Variants in ATP1A2 observed in about 807,000 individuals in gnomAD.
ATP1A2 encodes ATPase Na+/K+ transporting subunit alpha 2, also known as sodium/potassium-transporting ATPase subunit alpha-2.
A neutral mutation model predicts 113.1 loss-of-function variants in ATP1A2; 56 were observed. The observed-to-expected ratio is 0.49, with a 90% CI of 0.40 to 0.62. ATP1A2 has a LOEUF of 0.62. ATP1A2 is among the 20% of genes least tolerant of loss of function. The pLI, the probability that ATP1A2 is intolerant of heterozygous loss-of-function variation, is 0.00. For synonymous variants in ATP1A2, 490 were observed against 526.8 expected, an observed-to-expected ratio of 0.93 and a Z score of 0.96; for missense variants, 712 against 1,357.8, an observed-to-expected ratio of 0.52 and a Z score of 7.47.
At chr1:160,133,994 A>C (rs554275027) in intron 13 of ATP1A2, among the ~76,000 whole-genome samples, 1 of 151,596 alleles carries the variant, frequency 6.6e-6, no homozygotes, top group Non-Finnish European at 1.5e-5. Context: ...CACCCACTCA[A>C]ATTCACACAG....
At chr1:160,133,507 T>C (rs988888167) in intron 13 of ATP1A2, among the ~76,000 whole-genome samples, 3 of 152,100 alleles carry the variant, frequency 2.0e-5, no homozygotes, top group Non-Finnish European at 4.4e-5. Flanking sequence ...CCCAACTCCA[T>C]TCACTCTGCA....
At chr1:160,133,797 C>G (rs1368479119) in intron 13 of ATP1A2, among the ~76,000 whole-genome samples, 1 of 152,090 alleles carries the variant, frequency 6.6e-6, no homozygotes, top group Non-Finnish European at 1.5e-5. Flanking sequence ...GCTCTGACTG[C>G]CTTGAATCCC....
At position 160,136,897 on chromosome 1, in the gene ATP1A2, C is replaced by G; in HGVS notation, c.2710-4C>G. ...TCATCTGTCTCTGCCCACCCTCCCT[C>G]CAGACCTATGAGCAGCGGAAGGTGG... On this transcript the variant is annotated splice_region_variant and splice_polypyrimidine_tract_variant and intron_variant, in intron 19 of 22. Transcript: ENST00000361216. The G allele has an allele frequency of 1.2e-6, 2 of 1,614,210 alleles. No individual in the cohort carries two copies. Among genetic ancestry groups the G allele is most frequent in the Non-Finnish European group, 1.7e-6 (2 of 1,180,030 alleles).
rs57902482 is a variant in ATP1A2, at chr1:160,142,025, G to C, written c.*703G>C. 6.5e-6 allele frequency: 1 copy of C among 153,650 alleles called. No homozygotes were observed. The highest frequency in any genetic ancestry group is 1.4e-5 in the Non-Finnish European group (1 of 69,018). The allele number at this position is 153,650 out of a possible 1,614,324, so 9.5% of individuals were successfully genotyped here. A position where few individuals can be genotyped will look rare whatever the true frequency, so the allele number is the denominator to read the frequency against. Reference sequence around the variant, plus strand: ...TAGATGTCGTGGACTCCAGCTCTACGTCCCACATTTTAGAATACCCCACCA... The same window carrying C: ...TAGATGTCGTGGACTCCAGCTCTACCTCCCACATTTTAGAATACCCCACCA... On this transcript the variant is annotated 3_prime_UTR_variant, in exon 23 of 23. Coordinates refer to ENST00000361216, the MANE Select transcript of ATP1A2 (RefSeq NM_000702.4).
intron 6 of ATP1A2, 35 bp from the exon 7 acceptor site, chr1:160,125,101 G>T (rs1370222150): frequency 6.3e-7 from 1 of 1,580,970 alleles, no homozygotes; most frequent in Admixed American, 1.7e-5. Context: ...AAGTGGCTCT[G>T]CCAGTCTGAT....
rs1651889447 is a variant in ATP1A2 at position 160,135,007 on chromosome 1, G to A, written c.1965-138G>A. 3 of 1,087,472 alleles carry A rather than the reference G, an allele frequency of 2.8e-6. No homozygotes were observed. The Admixed American group carries it at 5.9e-5, about 21-fold the overall frequency. 67.4% of individuals were successfully genotyped at this position (1,087,472 alleles called of 1,614,324 possible). The stretch of plus-strand genomic sequence containing the variant: ...GAGAAATGGGGGAAGTGAGTACTGA[G>A]GAGAGGAGAACTGAAGCAACAGGGG... On this transcript the variant is annotated intron_variant, in intron 14 of 22. Coordinates refer to ENST00000361216, the MANE Select transcript of ATP1A2 (RefSeq NM_000702.4). This position sits in a 1 kb window ranked among gnomAD's most constrained non-coding sequence, Gnocchi z 6.3.
Position 160,135,441 on chromosome 1 carries a change from TTG to T in ATP1A2, c.2126_2127del (p.Val709GlyfsTer5). ...TGGCCGTCTTCCCTCCAGGGAGCCA[TTG>T]TGGCCGTGACGGGTGACGGGGTGAA... is the stretch of plus-strand genomic sequence containing the variant. On this transcript the variant is annotated frameshift_variant, in exon 16 of 23. Coordinates refer to ENST00000361216, the MANE Select transcript of ATP1A2 (RefSeq NM_000702.4). LOFTEE classifies it high-confidence loss of function. This position sits in a 1 kb window ranked among gnomAD's most constrained non-coding sequence, Gnocchi z 6.3. 1 of 1,614,120 alleles carries T rather than the reference TTG, an allele frequency of 6.2e-7. No homozygotes were observed. The highest frequency in any genetic ancestry group is 8.5e-7 in the Non-Finnish European group (1 of 1,180,016).
At chr1:160,116,697 C>A (rs1651197810) in intron 1 of ATP1A2, among the ~76,000 whole-genome samples, 1 of 152,062 alleles carries the variant, frequency 6.6e-6, no homozygotes, top group Non-Finnish European at 1.5e-5. Flanking sequence ...ACATGCTGTG[C>A]CTGGCTGCTT....
At chr1:160,133,273 GCAAAGACACT>G (rs2101992943) in intron 13 of ATP1A2, among the ~76,000 whole-genome samples, 1 of 152,216 alleles carries the variant, frequency 6.6e-6, no homozygotes, top group East Asian at 1.9e-4. Flanking sequence ...GATGAGGACG[GCAAAGACACT>G]TTTCATTTTT....
chr1:160,116,130 C>T (rs1025515895), intron 1 of ATP1A2, among the ~76,000 whole-genome samples: 1 of 152,070 alleles, frequency 6.6e-6, no homozygotes, highest in Non-Finnish European at 1.5e-5. Flanking sequence ...CACATGCCCC[C>T]TCCATCTCTC....
chr1:160,129,957 C>A, intron 11 of ATP1A2, 145 bp from the exon 12 acceptor site: 2 of 1,014,218 alleles, frequency 2.0e-6, no homozygotes, highest in South Asian at 1.4e-5. Context: ...TCTAAACACC[C>A]CCCTGCACAA....
chr1:160,121,494 T>C (rs937287457), intron 3 of ATP1A2, among the ~76,000 whole-genome samples: 3 of 152,218 alleles, frequency 2.0e-5, no homozygotes, highest in African/African-American at 7.2e-5. Flanking sequence ...GGACTCCCTA[T>C]GACCCAGGCC....
intron 1 of ATP1A2, among the ~76,000 whole-genome samples, chr1:160,119,444 T>C (rs924335946): frequency 6.6e-6 from 1 of 152,038 alleles, no homozygotes; most frequent in South Asian, 2.1e-4. Flanking sequence ...AGCCCCTCTA[T>C]GACAAGGACT....
At chr1:160,128,395 T>C (rs1172286344) in intron 8 of ATP1A2, 1 of 1,005,402 alleles carries the variant, frequency 9.9e-7, no homozygotes, top group East Asian at 2.9e-5. Context: ...CAGACATCCC[T>C]ATGCTCAGCT....
At chr1:160,119,840 A>G (rs1651324457) in intron 1 of ATP1A2, among the ~76,000 whole-genome samples, 1 of 151,696 alleles carries the variant, frequency 6.6e-6, no homozygotes, top group Non-Finnish European at 1.5e-5. Flanking sequence ...AAAAAAAAAA[A>G]AAAAAGAAAG....
chr1:160,128,352 C>A, intron 8 of ATP1A2: 1 of 675,916 alleles, frequency 1.5e-6, no homozygotes, highest in South Asian at 1.5e-5. Flanking sequence ...CAATCTCCTC[C>A]CAGTTTGCAG....
rs1651903260 is a variant in ATP1A2 at position 160,135,361 on chromosome 1, A to G, written c.2115+66A>G. ...GGGAGGCAGGGACAGGGCCAAGACA[A>G]GCATGGAGTGAGAGGCGAGGAGCCA... On this transcript the variant is annotated intron_variant, in intron 15 of 22. Transcript: ENST00000361216. This position sits in a 1 kb window ranked among gnomAD's most constrained non-coding sequence, Gnocchi z 6.3. The G allele has an allele frequency of 6.2e-7, 1 of 1,614,206 alleles. No homozygotes were observed. The highest frequency in any genetic ancestry group is 1.7e-5 in the Admixed American group (1 of 60,020).
At chr1:160,122,651 C>T (rs1651451224) in intron 3 of ATP1A2, among the ~76,000 whole-genome samples, 1 of 152,122 alleles carries the variant, frequency 6.6e-6, no homozygotes, top group South Asian at 2.1e-4. Flanking sequence ...TTGTGTGACA[C>T]TGACGGTCAA....
rs1233427188 is a variant in ATP1A2, at chr1:160,136,646, A to C, written c.2640A>C (p.Leu880=). ...LAENGFLPSR[L]LGIRLDWDDR... ...AGAACGGTTTCCTGCCATCACGGCTACTGGGAATCCGCCTCGACTGGGATG... is the reference window on the plus strand; with the variant it reads ...AGAACGGTTTCCTGCCATCACGGCTCCTGGGAATCCGCCTCGACTGGGATG... Residue 880 remains leucine (L), a synonymous_variant, in exon 19 of 23, where the codon CTA becomes CTC. Transcript: ENST00000361216. 6.2e-6 allele frequency: 10 copies of C among 1,614,110 alleles called. No individual in the cohort carries two copies. The Admixed American group carries it at 1.7e-4, about 27-fold the overall frequency.
Sources: gnomAD v4.1 joint callset for allele counts (sites outside exome capture counted in the v4.1 genomes callset) on GRCh38, gnomAD v4.1.1 for gene constraint, Gnocchi (gnomAD v3.1) non-coding constraint, MANE v1.5 for transcripts, NCBI Gene and HGNC (gene_info 2026-07-23, HGNC 2026-07-21) for gene names.